Variants in GRM5 observed in about 807,000 individuals in gnomAD.
GRM5 encodes glutamate metabotropic receptor 5.
GRM5 carries 19 observed loss-of-function variants against 83.1 expected under a neutral mutation model. The observed-to-expected ratio is 0.23, with a 90% CI of 0.16 to 0.34. The LOEUF is 0.34. Among genes scored for constraint, GRM5 ranks in the 10% least tolerant of loss-of-function variants. GRM5 has a pLI of 1.00. For synonymous variants in GRM5, 675 were observed against 633.6 expected (o/e 1.07, Z -0.98); for missense variants, 1,160 against 1,588.3 (o/e 0.73, Z 4.58).
chr11:88,820,225 C>CAAA (rs58683518), intron 3 of GRM5, among the ~76,000 whole-genome samples: 2,296 of 135,862 alleles, frequency 0.017, 61 homozygotes, highest in African/African-American at 0.055. Context: ...CTAAAAAATA[C>CAAA]AAAAAAAAAA....
chr11:89,009,794 G>A (rs1254954544), intron 2 of GRM5, among the ~76,000 whole-genome samples: 2 of 149,096 alleles, frequency 1.3e-5, no homozygotes, highest in Non-Finnish European at 3.0e-5. Context: ...CCAGCTACTC[G>A]GGAGGCTGAG....
Position 88,600,473 on chromosome 11 carries a change from G to A in GRM5, c.1395-3121C>T, listed in dbSNP as rs1591373929. On this transcript the variant is annotated intron_variant, in intron 5 of 9. Coordinates refer to ENST00000305447, the MANE Select transcript of GRM5 (RefSeq NM_001143831.3). ...TTCCCCTTACTCTCTAACTCCTCAT[G>A]TCTGCTCTTCCTTAACCAGCCAAAA... is the stretch of plus-strand genomic sequence containing the variant. Among the ~76,000 whole-genome samples, 4 of 151,550 alleles carry A rather than the reference G, an allele frequency of 2.6e-5. No homozygotes were observed. The South Asian group carries it at 6.3e-4, about 24-fold the overall frequency.
chr11:88,681,794 C>G (rs946095579), intron 3 of GRM5, among the ~76,000 whole-genome samples: 2 of 151,720 alleles, frequency 1.3e-5, no homozygotes, highest in Non-Finnish European at 2.9e-5. Context: ...TGGTCTTGAT[C>G]TCCTGACCTT....
chr11:88,781,785 C>A (rs2135463770), intron 3 of GRM5, among the ~76,000 whole-genome samples: 1 of 152,260 alleles, frequency 6.6e-6, no homozygotes, highest in East Asian at 1.9e-4. Context: ...TGGATTAAAT[C>A]ATTTCTTTGC....
intron 2 of GRM5, among the ~76,000 whole-genome samples, chr11:88,961,390 A>T (rs1479449632): frequency 3.3e-5 from 5 of 152,028 alleles, no homozygotes; most frequent in Non-Finnish European, 7.4e-5. Flanking sequence ...TGTTTTAAAA[A>T]CACTGGCGAA....
chr11:88,729,362 C>CA (rs538867810), intron 3 of GRM5, among the ~76,000 whole-genome samples: 21,486 of 141,508 alleles, frequency 0.15, 1,754 homozygotes, highest in Middle Eastern at 0.21. Flanking sequence ...AACCACTGCC[C>CA]AAAAAAAAAA....
chr11:88,983,918 G>C (rs1359018969), intron 2 of GRM5, among the ~76,000 whole-genome samples: 2 of 151,714 alleles, frequency 1.3e-5, no homozygotes, highest in African/African-American at 4.8e-5. Flanking sequence ...TTCTATCTCA[G>C]TTTTTAACAA....
chr11:88,965,799 G>A (rs1242031648), intron 2 of GRM5, among the ~76,000 whole-genome samples: 1 of 152,130 alleles, frequency 6.6e-6, no homozygotes, highest in African/African-American at 2.4e-5. Context: ...CACAATTGTA[G>A]TGGATTTGGA....
At chr11:88,899,849 A>G (rs771271690) in intron 2 of GRM5, among the ~76,000 whole-genome samples, 5 of 152,088 alleles carry the variant, frequency 3.3e-5, no homozygotes, top group Non-Finnish European at 7.4e-5. Context: ...TTAAATTTAT[A>G]TGCAATTTTG....
chr11:88,898,052 C>T (rs576955443), intron 2 of GRM5, among the ~76,000 whole-genome samples: 1 of 151,990 alleles, frequency 6.6e-6, no homozygotes, highest in Non-Finnish European at 1.5e-5. Context: ...GGACCATGCT[C>T]CCTCTAAAAC....
chr11:88,522,555 A>G (rs1438289299), intron 9 of GRM5, among the ~76,000 whole-genome samples: 1 of 139,854 alleles, frequency 7.2e-6, no homozygotes, highest in African/African-American at 2.7e-5. Flanking sequence ...AAGCTTAAGC[A>G]TGGCAGGTCT....
intron 2 of GRM5, among the ~76,000 whole-genome samples, chr11:88,869,580 A>G (rs1474609026): frequency 6.6e-6 from 1 of 151,466 alleles, no homozygotes; most frequent in East Asian, 1.9e-4. Flanking sequence ...GTATAATTTT[A>G]TTTTAGATTT....
chr11:88,641,958 C>T (rs929107947), intron 4 of GRM5, among the ~76,000 whole-genome samples: 1 of 152,166 alleles, frequency 6.6e-6, no homozygotes, highest in Non-Finnish European at 1.5e-5. Context: ...TAGGCAGTTC[C>T]CTGGTGGGGA....
At chr11:89,016,335 C>T (rs890060314) in intron 2 of GRM5, among the ~76,000 whole-genome samples, 3 of 150,544 alleles carry the variant, frequency 2.0e-5, no homozygotes, top group African/African-American at 7.3e-5. Flanking sequence ...ATGTTATGTG[C>T]ATGGGAATAA....
chr11:89,018,732 A>G (rs1181117814), intron 2 of GRM5, among the ~76,000 whole-genome samples: 1 of 152,184 alleles, frequency 6.6e-6, no homozygotes, highest in African/African-American at 2.4e-5. Context: ...GGATTACATA[A>G]AAGGTTAGGC....
At chr11:88,691,679 T>G (rs918274603) in intron 3 of GRM5, among the ~76,000 whole-genome samples, 1 of 152,202 alleles carries the variant, frequency 6.6e-6, no homozygotes, top group Non-Finnish European at 1.5e-5. Flanking sequence ...CACTCATGTA[T>G]TTAAGCTGGA....
At chr11:88,736,108 A>G (rs1010325248) in intron 3 of GRM5, among the ~76,000 whole-genome samples, 3 of 152,042 alleles carry the variant, frequency 2.0e-5, no homozygotes, top group African/African-American at 7.2e-5. Context: ...CCTGTTCACC[A>G]CTTTTAGTCT....
chr11:89,032,810 A>T (rs987753817), intron 2 of GRM5, among the ~76,000 whole-genome samples: 2 of 152,056 alleles, frequency 1.3e-5, no homozygotes, highest in Non-Finnish European at 2.9e-5. Context: ...TTTCTTGATG[A>T]CTACTCAGAG....
chr11:89,062,233 C>G (rs1336520297), intron 1 of GRM5, among the ~76,000 whole-genome samples: 5 of 152,168 alleles, frequency 3.3e-5, no homozygotes, highest in African/African-American at 9.7e-5. Flanking sequence ...GGAGGAAACT[C>G]CCTGCACTCC....
Sources: gnomAD v4.1 joint callset for allele counts (sites outside exome capture counted in the v4.1 genomes callset) on GRCh38, gnomAD v4.1.1 for gene constraint, MANE v1.5 for transcripts, NCBI Gene and HGNC (gene_info 2026-07-23, HGNC 2026-07-21) for gene names.